Variants in PLEKHA5 observed in about 807,000 individuals in gnomAD.
PLEKHA5 encodes the protein pleckstrin homology domain-containing family A member 5.
Under a neutral mutation model 181.9 loss-of-function variants are expected in PLEKHA5, and 55 were observed. The ratio of observed to expected loss-of-function variants is 0.30; its 90% CI spans 0.24 to 0.38. PLEKHA5 has a LOEUF of 0.38. PLEKHA5 is among the 10% of genes least tolerant of loss of function. The pLI is 1.00. For synonymous variants in PLEKHA5, 535 were observed against 529.4 expected, an observed-to-expected ratio of 1.01 and a Z score of -0.15; for missense variants, 1,432 against 1,549.5, an observed-to-expected ratio of 0.92 and a Z score of 1.27.
intron 7 of PLEKHA5, among the ~76,000 whole-genome samples, chr12:19,264,006 T>C (rs1357601986): frequency 6.6e-6 from 1 of 152,150 alleles, no homozygotes; most frequent in Non-Finnish European, 1.5e-5. Context: ...AAGAATGTCA[T>C]GATTAGAAGC....
intron 3 of PLEKHA5, among the ~76,000 whole-genome samples, chr12:19,219,448 G>A (rs188144376): frequency 2.7e-5 from 4 of 150,154 alleles, no homozygotes; most frequent in Middle Eastern, 3.5e-3. Flanking sequence ...TGTTGTTTTG[G>A]GAAACAATTA....
At position 19,358,300 on chromosome 12, in the gene PLEKHA5, C is replaced by G. The variant is rs754047391; in HGVS notation, c.3211C>G (p.Gln1071Glu). The part of the protein sequence containing the change: ...STRPRMTVEE[Q>E]MERIRRHQQA... ...TCGACCAAGGATGACTGTGGAAGAGCAAATGGAAAGAATAAGAAGACATCA... is the reference window on the plus strand; with the variant it reads ...TCGACCAAGGATGACTGTGGAAGAGGAAATGGAAAGAATAAGAAGACATCA... Residue 1071 changes from glutamine (Q) to glutamate (E), a missense_variant, in exon 27 of 32, where the codon CAA becomes GAA. Gln to Glu is a conservative substitution (Grantham distance 29, BLOSUM62 2). Around this residue, in one of 2 missense-constraint regions of PLEKHA5, gnomAD observed 1,143 missense variants for 1,168.4 expected, o/e 0.98. Coordinates refer to ENST00000429027, the MANE Select transcript of PLEKHA5 (RefSeq NM_001256470.2). The G allele has an allele frequency of 1.2e-6, 2 of 1,613,702 alleles. No homozygotes were observed. Among genetic ancestry groups the G allele is most frequent in the South Asian group, 2.2e-5 (2 of 91,076 alleles).
intron 3 of PLEKHA5, among the ~76,000 whole-genome samples, chr12:19,146,471 TG>T (rs1362502965): frequency 6.6e-6 from 1 of 152,230 alleles, no homozygotes; most frequent in Non-Finnish European, 1.5e-5. Flanking sequence ...ATATTTTGGT[TG>T]TGCACCCCTA....
intron 3 of PLEKHA5, among the ~76,000 whole-genome samples, chr12:19,198,093 T>G (rs1022171646): frequency 2.6e-5 from 4 of 152,186 alleles, no homozygotes; most frequent in Non-Finnish European, 5.9e-5. Context: ...TTTCCCCTGC[T>G]TCTCCGCTCT....
At chr12:19,165,271 G>A (rs183068860) in intron 3 of PLEKHA5, among the ~76,000 whole-genome samples, 2 of 152,220 alleles carry the variant, frequency 1.3e-5, no homozygotes, top group Admixed American at 1.3e-4. Context: ...TCTATAAATG[G>A]CTTTGTAAGA....
chr12:19,160,888 G>A (rs1277528585), intron 3 of PLEKHA5, among the ~76,000 whole-genome samples: 1 of 151,840 alleles, frequency 6.6e-6, no homozygotes, highest in Non-Finnish European at 1.5e-5. Flanking sequence ...TGTTATTCAA[G>A]GATTTTATGG....
intron 3 of PLEKHA5, among the ~76,000 whole-genome samples, chr12:19,161,793 CT>C (rs1443067711): frequency 6.6e-6 from 1 of 152,102 alleles, no homozygotes; most frequent in Non-Finnish European, 1.5e-5. Flanking sequence ...GGAGCAAAAA[CT>C]TTTTGGCATT....
intron 3 of PLEKHA5, among the ~76,000 whole-genome samples, chr12:19,136,055 A>T (rs2035557858): frequency 6.6e-6 from 1 of 151,750 alleles, no homozygotes; most frequent in Non-Finnish European, 1.5e-5. Flanking sequence ...AATTTGATTG[A>T]TTGATTGATT....
intron 3 of PLEKHA5, among the ~76,000 whole-genome samples, chr12:19,136,144 C>T (rs539238901): frequency 6.6e-6 from 1 of 151,810 alleles, no homozygotes; most frequent in Admixed American, 6.6e-5. Context: ...CCTTGGTCCC[C>T]GAAAATGGGG....
chr12:19,195,385 G>A (rs2052405881), intron 3 of PLEKHA5, among the ~76,000 whole-genome samples: 1 of 53,614 alleles, frequency 1.9e-5, no homozygotes, highest in South Asian at 4.7e-4. Flanking sequence ...AGGATATAAA[G>A]TACGGGTGAG....
At chr12:19,248,063 T>C (rs1414506239) in intron 3 of PLEKHA5, among the ~76,000 whole-genome samples, 2 of 152,072 alleles carry the variant, frequency 1.3e-5, no homozygotes, top group Non-Finnish European at 2.9e-5. Context: ...CCTAAGTAGC[T>C]ATTTTAAAAA....
chr12:19,339,692 A>G (rs2093710527), intron 21 of PLEKHA5, among the ~76,000 whole-genome samples: 1 of 151,862 alleles, frequency 6.6e-6, no homozygotes, highest in African/African-American at 2.4e-5. Context: ...AGACATTTCA[A>G]AAAAAAATAA....
chr12:19,366,331 C>T (rs114533717), intron 30 of PLEKHA5, among the ~76,000 whole-genome samples: 2 of 152,146 alleles, frequency 1.3e-5, no homozygotes, highest in East Asian at 1.9e-4. Flanking sequence ...TTTTTCCTTT[C>T]AATTTTAACA....
chr12:19,338,901 G>T (rs1339695793), intron 21 of PLEKHA5, among the ~76,000 whole-genome samples: 1 of 150,820 alleles, frequency 6.6e-6, no homozygotes, highest in Non-Finnish European at 1.5e-5. Context: ...AAAAAAATAA[G>T]AAATCAGCTA....
intron 3 of PLEKHA5, among the ~76,000 whole-genome samples, chr12:19,218,909 T>A (rs12313333): frequency 0.24 from 23,271 of 96,588 alleles, 3,168 homozygotes; most frequent in East Asian, 0.52. Flanking sequence ...TATTATTATT[T>A]TTTTTTTTAC....
chr12:19,179,544 C>T (rs1372470168), intron 3 of PLEKHA5, among the ~76,000 whole-genome samples: 2 of 152,134 alleles, frequency 1.3e-5, no homozygotes, highest in African/African-American at 4.8e-5. Flanking sequence ...CCTGTAATCT[C>T]AGCTACTCGG....
chr12:19,268,518 G>C (rs993677123), intron 8 of PLEKHA5, among the ~76,000 whole-genome samples: 3 of 152,146 alleles, frequency 2.0e-5, no homozygotes, highest in African/African-American at 7.2e-5. Context: ...TGTTTCCTCT[G>C]AATGTATGAG....
At chr12:19,353,458 G>C (rs773234219) in intron 25 of PLEKHA5, among the ~76,000 whole-genome samples, 4 of 151,628 alleles carry the variant, frequency 2.6e-5, no homozygotes, top group Non-Finnish European at 5.9e-5. Context: ...CGCCCAGCCT[G>C]ACTCTTTTTT....
chr12:19,235,896 A>G (rs2061342124), intron 3 of PLEKHA5, among the ~76,000 whole-genome samples: 2 of 152,212 alleles, frequency 1.3e-5, no homozygotes, highest in South Asian at 4.1e-4. Flanking sequence ...GCACTGAGGT[A>G]CAAATATACA....
Sources: gnomAD v4.1 joint callset for allele counts (sites outside exome capture counted in the v4.1 genomes callset) on GRCh38, gnomAD v4.1.1 for gene constraint, gnomAD v4.1.1 regional missense constraint, MANE v1.5 for transcripts, NCBI Gene and HGNC (gene_info 2026-07-23, HGNC 2026-07-21) for gene names.